TBCD: variants seen among roughly 807,000 people sequenced by gnomAD.
TBCD encodes the protein tubulin-specific chaperone D.
In TBCD, 105 loss-of-function variants were observed where a neutral mutation model predicts 169.3. The ratio of observed to expected loss-of-function variants is 0.62; its 90% confidence interval spans 0.53 to 0.73. The LOEUF is 0.73. Ranked by LOEUF, TBCD falls within the 30% of genes least tolerant of loss-of-function variation. TBCD has a pLI of 0.00. For missense variants in TBCD, 1,444 were observed against 1,600.1 expected (o/e 0.90, Z 1.66); for synonymous variants, 700 against 643.9 (o/e 1.09, Z -1.32).
At position 82,942,487 on chromosome 17, in the gene TBCD, C is replaced by G; in HGVS notation, c.*24C>G. On this transcript the variant is annotated 3_prime_UTR_variant, in exon 39 of 39. Transcript: ENST00000355528. The stretch of plus-strand genomic sequence containing the variant: ...GAAGCCAGTCCTGGAGCCCATACCT[C>G]ACCCCTGCCTGGTGAGGATGTCTTG... 1 of 1,613,988 alleles carries G rather than the reference C, an allele frequency of 6.2e-7. No homozygotes were observed. The highest frequency in any genetic ancestry group is 1.1e-5 in the South Asian group (1 of 91,088).
chr17:82,763,399 T>TA (rs1180656182), intron 2 of TBCD, among the ~76,000 whole-genome samples: 1 of 152,202 alleles, frequency 6.6e-6, no homozygotes, highest in Non-Finnish European at 1.5e-5. Context: ...TCCTTTTGCT[T>TA]ACGTTTAACC....
Position 82,889,664 on chromosome 17 carries a change from G to GCAGGC in TBCD, c.1534-2_1536dup. ...ACCTGCTGTGTTTGTTCTTTGCTCC[G>GCAGGC]CAGGCCGCCTTCCAGGAGAATGTGG... On this transcript the variant is annotated splice_region_variant and splice_polypyrimidine_tract_variant and intron_variant, in intron 15 of 38. Coordinates refer to ENST00000355528, the MANE Select transcript of TBCD (RefSeq NM_005993.5). The surrounding 1 kb of genome is among the most constrained non-coding windows in gnomAD (Gnocchi z 5.3). 6.2e-7 allele frequency: 1 copy of GCAGGC among 1,613,796 alleles called. No individual in the cohort carries two copies. Among genetic ancestry groups the GCAGGC allele is most frequent in the African/African-American group, 1.3e-5 (1 of 75,036 alleles).
intron 13 of TBCD, among the ~76,000 whole-genome samples, chr17:82,847,163 A>C (rs1459724990): frequency 6.6e-6 from 1 of 152,004 alleles, no homozygotes; most frequent in East Asian, 1.9e-4. Context: ...CATCTTGTCT[A>C]ACACAGTGAA....
At chr17:82,849,551 T>A (rs1204508697) in intron 13 of TBCD, among the ~76,000 whole-genome samples, 3 of 152,250 alleles carry the variant, frequency 2.0e-5, no homozygotes, top group African/African-American at 7.2e-5. Context: ...TATCTCAAGT[T>A]CATTTCAAGC....
At chr17:82,883,045 T>C (rs984513910) in intron 14 of TBCD, among the ~76,000 whole-genome samples, 26 of 63,280 alleles carry the variant, frequency 4.1e-4, no homozygotes, top group Non-Finnish European at 7.2e-4. Context: ...TAGCTGGATG[T>C]ATCTTTCACA....
At chr17:82,801,114 G>A in intron 9 of TBCD, 118 bp downstream of exon 9, 1 of 1,030,854 alleles carries the variant, frequency 9.7e-7, no homozygotes, top group Non-Finnish European at 1.3e-6. Flanking sequence ...GCTGTGGGGA[G>A]GCAGTCGCCC....
intron 13 of TBCD, among the ~76,000 whole-genome samples, chr17:82,860,234 G>A (rs187463230): frequency 1.3e-5 from 2 of 152,370 alleles, no homozygotes; most frequent in African/African-American, 2.4e-5. Context: ...GAGTGCCAGC[G>A]CACAGTGTTG....
intron 17 of TBCD, 34 bp from the exon 18 acceptor site, chr17:82,900,617 G>A (rs767377270): frequency 4.4e-6 from 7 of 1,576,356 alleles, no homozygotes; most frequent in East Asian, 4.5e-5. Flanking sequence ...TCGTTCTTCC[G>A]CGTCTCACCA....
At chr17:82,774,496 C>A (rs2048466575) in intron 6 of TBCD, among the ~76,000 whole-genome samples, 1 of 152,254 alleles carries the variant, frequency 6.6e-6, no homozygotes, top group South Asian at 2.1e-4. Flanking sequence ...CTTTTCCCCA[C>A]ATTTCCCCCT....
intron 6 of TBCD, among the ~76,000 whole-genome samples, chr17:82,773,852 G>A (rs536370436): frequency 2.0e-5 from 3 of 151,356 alleles, no homozygotes; most frequent in Non-Finnish European, 2.9e-5. Context: ...TCAGCCTCCC[G>A]AGTAGCTGGG....
chr17:82,844,246 T>C (rs1260817908), intron 13 of TBCD, among the ~76,000 whole-genome samples: 3 of 151,832 alleles, frequency 2.0e-5, no homozygotes, highest in Non-Finnish European at 4.4e-5. Flanking sequence ...TTTAAAGACC[T>C]GGGGTCTTGC....
chr17:82,846,493 G>C (rs2055134179), intron 13 of TBCD, among the ~76,000 whole-genome samples: 1 of 151,400 alleles, frequency 6.6e-6, no homozygotes, highest in South Asian at 2.1e-4. Context: ...TCCTGCTGCT[G>C]CAGGGCCCTG....
intron 7 of TBCD, among the ~76,000 whole-genome samples, chr17:82,797,472 G>A (rs1186659303): frequency 1.3e-5 from 2 of 152,116 alleles, no homozygotes; most frequent in Non-Finnish European, 2.9e-5. Context: ...ACCTGGGCAC[G>A]TTTTGTGATG....
At chr17:82,883,868 C>T (rs2058545527) in intron 14 of TBCD, among the ~76,000 whole-genome samples, 3 of 152,240 alleles carry the variant, frequency 2.0e-5, no homozygotes, top group African/African-American at 7.2e-5. Context: ...GCCCTGTCCT[C>T]GTGGCTCTTT....
At chr17:82,774,944 A>G (rs1598432151) in intron 6 of TBCD, among the ~76,000 whole-genome samples, 1 of 152,352 alleles carries the variant, frequency 6.6e-6, no homozygotes, top group African/African-American at 2.4e-5. Flanking sequence ...AACTTCGTTC[A>G]ATGGGAAATA....
At chr17:82,787,811 G>A (rs1359249039) in intron 7 of TBCD, among the ~76,000 whole-genome samples, 2 of 152,238 alleles carry the variant, frequency 1.3e-5, no homozygotes, top group Non-Finnish European at 2.9e-5. Context: ...AGGGAAGCAA[G>A]TGTTTGGCAA....
At chr17:82,821,436 A>G (rs955874017) in intron 13 of TBCD, among the ~76,000 whole-genome samples, 1 of 152,206 alleles carries the variant, frequency 6.6e-6, no homozygotes, top group African/African-American at 2.4e-5. Flanking sequence ...ATCTTTGCAT[A>G]TGTGTTTCCC....
At position 82,803,515 on chromosome 17, in the gene TBCD, C is replaced by T. The variant is rs541665379; in HGVS notation, c.951-2360C>T. ...GCCTCTGTCTCAGCAGCTCTCTTCT[C>T]CCCAACATCCTCTCCCCCACATATG... is the stretch of plus-strand genomic sequence containing the variant. On this transcript the variant is annotated intron_variant, in intron 9 of 38. Coordinates refer to ENST00000355528, the MANE Select transcript of TBCD (RefSeq NM_005993.5). 5.6e-4 allele frequency among the ~76,000 whole-genome samples: 85 copies of T among 152,306 alleles called. No homozygotes were observed. The South Asian group carries it at 5.6e-3, about 10-fold the overall frequency.
Position 82,923,595 on chromosome 17 carries a change from G to GC in TBCD, c.2179-55dup. Reference sequence around the variant, plus strand: ...TTCAGAGTGACCTGCTCTGTCCCTGGCCGGGGGCTTCTCCGAGCAGAGCTG... The same window carrying GC: ...TTCAGAGTGACCTGCTCTGTCCCTGGCCCGGGGGCTTCTCCGAGCAGAGCTG... On this transcript the variant is annotated intron_variant, in intron 25 of 38. Coordinates refer to ENST00000355528, the MANE Select transcript of TBCD (RefSeq NM_005993.5). The surrounding 1 kb of genome is among the most constrained non-coding windows in gnomAD (Gnocchi z 4.6). 1 of 1,424,640 alleles carries GC rather than the reference G, an allele frequency of 7.0e-7. No individual in the cohort carries two copies. Among genetic ancestry groups the GC allele is most frequent in the Non-Finnish European group, 9.6e-7 (1 of 1,036,282 alleles). The allele number at this position is 1,424,640 out of a possible 1,614,324, so 88.2% of individuals were successfully genotyped here. A position where few individuals can be genotyped will look rare whatever the true frequency, so the allele number is the denominator to read the frequency against.
Sources: gnomAD v4.1 joint callset for allele counts (sites outside exome capture counted in the v4.1 genomes callset) on GRCh38, gnomAD v4.1.1 for gene constraint, Gnocchi (gnomAD v3.1) non-coding constraint, MANE v1.5 for transcripts, NCBI Gene and HGNC (gene_info 2026-07-23, HGNC 2026-07-21) for gene names.